The following ST6GALNAC5 variants were observed in gnomAD, a reference collection of about 807,000 sequenced individuals.
ST6GALNAC5 encodes alpha-N-acetylgalactosaminide alpha-2,6-sialyltransferase 5.
ST6GALNAC5 carries 27 observed loss-of-function variants against 33.6 expected under a neutral mutation model. The observed-to-expected ratio is 0.80, with a 90% CI of 0.59 to 1.11. The LOEUF (loss-of-function observed/expected upper bound fraction) is 1.11. ST6GALNAC5 is among the 50% of genes least tolerant of loss of function. The pLI is 0.00. For synonymous variants in ST6GALNAC5, 194 were observed against 171.2 expected (o/e 1.13, Z -1.04); for missense variants, 428 against 454.0 (o/e 0.94, Z 0.52).
intron 2 of ST6GALNAC5, among the ~76,000 whole-genome samples, chr1:76,937,951 C>T (rs749547029): frequency 2.0e-4 from 30 of 151,992 alleles, no homozygotes; most frequent in Non-Finnish European, 3.7e-4. Context: ...TGTTTCCTGT[C>T]GGATTTAGTT....
chr1:76,898,145 G>A (rs1646772706), intron 2 of ST6GALNAC5, among the ~76,000 whole-genome samples: 1 of 152,218 alleles, frequency 6.6e-6, no homozygotes, highest in Non-Finnish European at 1.5e-5. Context: ...CTGATTTTCA[G>A]TGGGGTCTCA....
intron 2 of ST6GALNAC5, among the ~76,000 whole-genome samples, chr1:77,000,183 C>G (rs1305897489): frequency 1.0e-5 from 1 of 96,152 alleles, no homozygotes; most frequent in African/African-American, 3.0e-5. Flanking sequence ...GATTGCCATT[C>G]TAACTGGTGT....
chr1:77,000,341 T>C lies in ST6GALNAC5; in HGVS notation c.262-43863T>C, dbSNP rs191181874. ...TTGCCCACTTTTCGATGGGGTTGTT[T>C]ATTTTTTTCTTGTAAATTTGTTTGA... is the stretch of plus-strand genomic sequence containing the variant. On this transcript the variant is annotated intron_variant, in intron 2 of 4. Transcript: ENST00000477717. Among the ~76,000 whole-genome samples the C allele has an allele frequency of 2.7e-3, 340 of 127,440 alleles. 17 individuals carry two copies. The highest frequency in any genetic ancestry group is 8.1e-3 in the African/African-American group (325 of 40,130). The allele number at this position is 127,440 out of a possible 152,430, so 83.6% of individuals were successfully genotyped here.
intron 2 of ST6GALNAC5, among the ~76,000 whole-genome samples, chr1:77,012,894 G>T (rs907440025): frequency 6.6e-6 from 1 of 152,190 alleles, no homozygotes; most frequent in Non-Finnish European, 1.5e-5. Flanking sequence ...GCTTAATGTG[G>T]TGTTTCCATA....
rs933998911 is a variant in ST6GALNAC5, at chr1:76,908,149, C to T, written c.261+39407C>T. ...CTCAGGTTCTTATTTTTGTTGTGCT[C>T]TCTGTCTTAGTATTTTCAGGCTGCT... is the stretch of plus-strand genomic sequence containing the variant. On this transcript the variant is annotated intron_variant, in intron 2 of 4. Coordinates refer to ENST00000477717, the MANE Select transcript of ST6GALNAC5 (RefSeq NM_030965.3). 2.0e-5 allele frequency among the ~76,000 whole-genome samples: 3 copies of T among 152,140 alleles called. No individual in the cohort carries two copies. In the East Asian group the frequency reaches 5.8e-4, roughly 29 times the overall value.
intron 2 of ST6GALNAC5, among the ~76,000 whole-genome samples, chr1:77,037,364 A>G (rs572190501): frequency 1.3e-5 from 2 of 152,312 alleles, no homozygotes; most frequent in Admixed American, 1.3e-4. Flanking sequence ...GTTCATGGAC[A>G]TACAGATGGC....
intron 2 of ST6GALNAC5, among the ~76,000 whole-genome samples, chr1:77,042,567 G>T (rs990828820): frequency 3.9e-5 from 6 of 152,128 alleles, no homozygotes; most frequent in Non-Finnish European, 8.8e-5. Flanking sequence ...AGTACTTATT[G>T]TACAATTACT....
At chr1:77,060,597 G>A (rs900560554) in intron 4 of ST6GALNAC5, among the ~76,000 whole-genome samples, 13 of 152,060 alleles carry the variant, frequency 8.5e-5, no homozygotes, top group African/African-American at 2.9e-4. Flanking sequence ...GAAACAACTC[G>A]CTTACATGAA....
Position 77,063,084 on chromosome 1 carries a change from T to A in ST6GALNAC5, c.889T>A (p.Phe297Ile). The change falls in exon 5 of 5, where the codon TTT becomes ATT. Residue 297 changes from phenylalanine (F) to isoleucine (I), a missense_variant. Transcript: ENST00000477717. ...ERGRKGSHHR[F>I]ITEKRVFKNW... ...AGGACGCAAGGGCAGTCATCACCGCTTTATCACAGAGAAACGAGTCTTTAA... is the reference window on the plus strand; with the variant it reads ...AGGACGCAAGGGCAGTCATCACCGCATTATCACAGAGAAACGAGTCTTTAA... 1.9e-6 allele frequency: 3 copies of A among 1,613,948 alleles called. No individual in the cohort carries two copies. The highest frequency in any genetic ancestry group is 2.5e-6 in the Non-Finnish European group (3 of 1,179,908).
intron 2 of ST6GALNAC5, among the ~76,000 whole-genome samples, chr1:76,943,174 C>T (rs574421457): frequency 6.6e-6 from 1 of 152,186 alleles, no homozygotes; most frequent in South Asian, 2.1e-4. Context: ...ATTTGTTCTT[C>T]ATACAACCAG....
At chr1:77,004,533 A>G (rs1021724060) in intron 2 of ST6GALNAC5, among the ~76,000 whole-genome samples, 5 of 137,088 alleles carry the variant, frequency 3.6e-5, no homozygotes, top group Non-Finnish European at 8.3e-5. Flanking sequence ...ATTGCTGGTG[A>G]GGAACTGCGT....
Position 77,063,137 on chromosome 1 carries a change from CTTTT to C in ST6GALNAC5, c.945_948del (p.Phe316AsnfsTer11), listed in dbSNP as rs759907555. 6.2e-7 allele frequency: 1 copy of C among 1,613,738 alleles called. No individual in the cohort carries two copies. Among genetic ancestry groups the C allele is most frequent in the Non-Finnish European group, 8.5e-7 (1 of 1,179,818 alleles). ...ACTGGGCACGGACATTCAATATTCACTTTTTTCAACCAGACTGGAAACCAGAATC... is the reference window on the plus strand; with the variant it reads ...ACTGGGCACGGACATTCAATATTCACTTCAACCAGACTGGAAACCAGAATC... On this transcript the variant is annotated frameshift_variant, in exon 5 of 5. Coordinates refer to ENST00000477717, the MANE Select transcript of ST6GALNAC5 (RefSeq NM_030965.3). LOFTEE classifies it high-confidence loss of function.
At chr1:76,877,181 A>G (rs1653662526) in intron 2 of ST6GALNAC5, among the ~76,000 whole-genome samples, 1 of 152,202 alleles carries the variant, frequency 6.6e-6, no homozygotes, top group Non-Finnish European at 1.5e-5. Context: ...TTATCTGCAG[A>G]TGGCAGGGCC....
chr1:76,936,865 G>T (rs1341182812), intron 2 of ST6GALNAC5, among the ~76,000 whole-genome samples: 3 of 151,720 alleles, frequency 2.0e-5, no homozygotes, highest in East Asian at 1.9e-4. Context: ...ACCAGAGGAT[G>T]TGGGTTTTCA....
At chr1:76,881,416 C>T (rs1297325008) in intron 2 of ST6GALNAC5, among the ~76,000 whole-genome samples, 1 of 152,188 alleles carries the variant, frequency 6.6e-6, no homozygotes, top group Admixed American at 6.5e-5. Context: ...GAAACCTTCC[C>T]TGACTTATAG....
At chr1:76,887,537 A>G (rs1653924672) in intron 2 of ST6GALNAC5, among the ~76,000 whole-genome samples, 1 of 152,122 alleles carries the variant, frequency 6.6e-6, no homozygotes, top group African/African-American at 2.4e-5. Flanking sequence ...TCTGCTCCTA[A>G]TATTTGCAGA....
intron 2 of ST6GALNAC5, chr1:76,871,382 G>C (rs912278359): frequency 2.0e-5 from 3 of 152,186 alleles, no homozygotes; most frequent in African/African-American, 7.2e-5. Context: ...TACATAGTCT[G>C]GAGAGAGTTA....
chr1:76,925,701 G>A (rs367891802), intron 2 of ST6GALNAC5, among the ~76,000 whole-genome samples: 6 of 151,998 alleles, frequency 3.9e-5, no homozygotes, highest in Non-Finnish European at 7.4e-5. Context: ...AATAAAAACC[G>A]AGATTCTAAT....
At chr1:77,006,145 G>T (rs557961735) in intron 2 of ST6GALNAC5, among the ~76,000 whole-genome samples, 33 of 113,476 alleles carry the variant, frequency 2.9e-4, no homozygotes, top group South Asian at 1.2e-3. Context: ...AGTTTTTTTT[G>T]TTGTTGTTGT....
Sources: allele counts gnomAD v4.1 joint callset (sites outside exome capture counted in the v4.1 genomes callset), GRCh38; gene constraint gnomAD v4.1.1; transcripts MANE v1.5; gene names NCBI Gene and HGNC (gene_info 2026-07-23, HGNC 2026-07-21).